KCNJ6: variants seen among roughly 807,000 people sequenced by gnomAD.
The protein encoded by KCNJ6 is potassium inwardly rectifying channel subfamily J member 6, also known as G protein-activated inward rectifier potassium channel 2.
Under a neutral mutation model 34.2 loss-of-function variants are expected in KCNJ6, and 9 were observed. The observed-to-expected ratio is 0.26, with a 90% confidence interval of 0.16 to 0.46. The LOEUF (loss-of-function observed/expected upper bound fraction) is 0.46, where lower values mean the gene tolerates loss of function less well. Among genes scored for constraint, KCNJ6 ranks in the 20% least tolerant of loss-of-function variants. KCNJ6 has a pLI of 1.00. For missense variants in KCNJ6, 236 were observed against 531.3 expected (o/e 0.44, Z 5.46); for synonymous variants, 196 against 207.1 (o/e 0.95, Z 0.46).
intron 1 of KCNJ6, among the ~76,000 whole-genome samples, chr21:37,862,646 T>C (rs1320092665): frequency 6.6e-6 from 1 of 152,218 alleles, no homozygotes; most frequent in Non-Finnish European, 1.5e-5. Context: ...TTACCCTGTG[T>C]AGATAGTCAG....
chr21:37,628,270 A>T (rs938452328), intron 3 of KCNJ6, among the ~76,000 whole-genome samples: 32 of 152,344 alleles, frequency 2.1e-4, no homozygotes, highest in Non-Finnish European at 1.9e-4. Context: ...AAGAACTAAA[A>T]GAAGCCATGT....
chr21:37,912,346 A>G (rs893420640), intron 1 of KCNJ6, among the ~76,000 whole-genome samples: 2 of 152,242 alleles, frequency 1.3e-5, no homozygotes, highest in Non-Finnish European at 2.9e-5. Context: ...GTGAATAAGC[A>G]CTGAATATGT....
chr21:37,823,176 G>A (rs1012452263), intron 2 of KCNJ6, among the ~76,000 whole-genome samples: 2 of 152,014 alleles, frequency 1.3e-5, no homozygotes, highest in East Asian at 1.9e-4. Context: ...CAGCCCCCAC[G>A]GCCACCCCAA....
intron 2 of KCNJ6, among the ~76,000 whole-genome samples, chr21:37,822,706 T>C (rs2055379356): frequency 6.6e-6 from 1 of 152,178 alleles, no homozygotes; most frequent in African/African-American, 2.4e-5. Flanking sequence ...ATTTTGATTG[T>C]CTTTTGTGAG....
intron 1 of KCNJ6, among the ~76,000 whole-genome samples, chr21:37,909,570 T>G (rs2055857603): frequency 6.6e-6 from 1 of 152,168 alleles, no homozygotes; most frequent in Non-Finnish European, 1.5e-5. Context: ...TTTGCCACTT[T>G]GGCCAGGCTG....
chr21:37,847,495 A>G (rs188145565), intron 1 of KCNJ6, among the ~76,000 whole-genome samples: 338 of 152,358 alleles, frequency 2.2e-3, no homozygotes, highest in Non-Finnish European at 3.4e-3. Flanking sequence ...GTGAGAATCC[A>G]GGTCTAAGAT....
rs201036455 is a variant in KCNJ6, at chr21:37,858,773, G to GT, written c.-27-18065dup. 7.0e-3 allele frequency among the ~76,000 whole-genome samples: 1,068 copies of GT among 152,026 alleles called. 8 individuals are homozygous for GT. Among genetic ancestry groups the GT allele is most frequent in the African/African-American group, 0.022 (928 of 41,438 alleles). ...CACTCAGGAATGAAATTCTCCATGG[G>GT]TTTTTTTTGAAGATATCATAAAGGG... On this transcript the variant is annotated intron_variant, in intron 1 of 3. Coordinates refer to ENST00000609713, the MANE Select transcript of KCNJ6 (RefSeq NM_002240.5).
chr21:37,761,973 G>A (rs950546411), intron 2 of KCNJ6, among the ~76,000 whole-genome samples: 10 of 152,142 alleles, frequency 6.6e-5, no homozygotes, highest in African/African-American at 9.7e-5. Context: ...TGCCTGCAAC[G>A]ATTTAATTAG....
At chr21:37,709,372 G>A (rs951970976) in intron 3 of KCNJ6, among the ~76,000 whole-genome samples, 14 of 152,234 alleles carry the variant, frequency 9.2e-5, no homozygotes, top group South Asian at 4.1e-4. Context: ...TTAGCCGGGC[G>A]CGGTGGTGGT....
rs2054282387 is a variant in KCNJ6, at chr21:37,619,109, C to A, written c.*6050G>T. 1 of 152,184 alleles carries A rather than the reference C, an allele frequency of 6.6e-6. No homozygotes were observed. Among genetic ancestry groups the A allele is most frequent in the African/African-American group, 2.4e-5 (1 of 41,438 alleles). 9.4% of individuals were successfully genotyped at this position (152,184 alleles called of 1,614,324 possible). A position where few individuals can be genotyped will look rare whatever the true frequency, so the allele number is the denominator to read the frequency against. On this transcript the variant is annotated 3_prime_UTR_variant, in exon 4 of 4. Transcript: ENST00000609713. ...ATCTGTCGACAATATAACAACATCA[C>A]AATGATTTGTTACATTGTTACTTTT... is the stretch of plus-strand genomic sequence containing the variant.
At chr21:37,743,526 A>G (rs369472741) in intron 2 of KCNJ6, among the ~76,000 whole-genome samples, 14 of 152,232 alleles carry the variant, frequency 9.2e-5, no homozygotes, top group African/African-American at 3.4e-4. Context: ...TCACGGATGG[A>G]TTAATGCTGC....
chr21:37,656,208 G>A (rs1294252442), intron 3 of KCNJ6, among the ~76,000 whole-genome samples: 1 of 152,214 alleles, frequency 6.6e-6, no homozygotes, highest in Non-Finnish European at 1.5e-5. Flanking sequence ...CAGCACAGGA[G>A]ATGCTGACTC....
intron 1 of KCNJ6, among the ~76,000 whole-genome samples, chr21:37,851,235 C>T (rs943529604): frequency 1.3e-5 from 2 of 152,178 alleles, no homozygotes; most frequent in African/African-American, 4.8e-5. Context: ...CCCTGCTGAA[C>T]TCTGCCACAG....
chr21:37,873,720 T>C (rs2055664114), intron 1 of KCNJ6, among the ~76,000 whole-genome samples: 1 of 152,166 alleles, frequency 6.6e-6, no homozygotes, highest in East Asian at 1.9e-4. Flanking sequence ...CTCCAGCATC[T>C]TCTCCCCATC....
intron 1 of KCNJ6, among the ~76,000 whole-genome samples, chr21:37,892,568 AC>A (rs2055767252): frequency 6.6e-6 from 1 of 152,286 alleles, no homozygotes; most frequent in African/African-American, 2.4e-5. Context: ...CAGGCTGCTC[AC>A]TTAGGTCCCT....
At chr21:37,673,027 A>C (rs2054549081) in intron 3 of KCNJ6, among the ~76,000 whole-genome samples, 1 of 152,258 alleles carries the variant, frequency 6.6e-6, no homozygotes, top group South Asian at 2.1e-4. Flanking sequence ...ATGCTATAAA[A>C]GTCTCCTTTT....
chr21:37,722,053 G>C (rs2054829534), intron 2 of KCNJ6, among the ~76,000 whole-genome samples: 1 of 152,122 alleles, frequency 6.6e-6, no homozygotes, highest in Non-Finnish European at 1.5e-5. Flanking sequence ...AAATACTAAA[G>C]ACTCTGCCAA....
At chr21:37,694,415 T>A (rs1022345787) in intron 3 of KCNJ6, among the ~76,000 whole-genome samples, 8 of 152,214 alleles carry the variant, frequency 5.3e-5, no homozygotes, top group Admixed American at 4.6e-4. Context: ...ATTTTTGGTA[T>A]CTTTCAATAC....
chr21:37,864,403 G>A (rs559203446), intron 1 of KCNJ6, among the ~76,000 whole-genome samples: 24 of 152,244 alleles, frequency 1.6e-4, no homozygotes, highest in Non-Finnish European at 3.4e-4. Flanking sequence ...GAGCCACCAT[G>A]GCCGGCCAGG....
Sources: gnomAD v4.1 joint callset for allele counts (sites outside exome capture counted in the v4.1 genomes callset) on GRCh38, gnomAD v4.1.1 for gene constraint, MANE v1.5 for transcripts, NCBI Gene and HGNC (gene_info 2026-07-23, HGNC 2026-07-21) for gene names.